UBR2: variants seen among roughly 807,000 people sequenced by gnomAD.
The protein encoded by UBR2 is ubiquitin protein ligase E3 component n-recognin 2.
UBR2 carries 92 observed loss-of-function variants against 247.9 expected under a neutral mutation model. That is an observed-to-expected ratio of 0.37 (90% CI 0.31 to 0.44). The LOEUF (loss-of-function observed/expected upper bound fraction) is 0.44. Among genes scored for constraint, UBR2 ranks in the 20% least tolerant of loss-of-function variants. UBR2 has a pLI of 1.00. For missense variants in UBR2, 1,613 were observed against 2,112.6 expected (o/e 0.76, Z 4.64); for synonymous variants, 672 against 693.5 (o/e 0.97, Z 0.49).
At position 42,658,783 on chromosome 6, in the gene UBR2, A is replaced by G. The variant is rs905884514; in HGVS notation, c.3201A>G (p.Thr1067=). 6.2e-7 allele frequency: 1 copy of G among 1,611,092 alleles called. No individual in the cohort carries two copies. Among genetic ancestry groups the G allele is most frequent in the Non-Finnish European group, 8.5e-7 (1 of 1,179,054 alleles). Residue 1067 remains threonine (T), a synonymous_variant, in exon 29 of 47, where the codon ACA becomes ACG. Transcript: ENST00000372901. The stretch of plus-strand genomic sequence containing the variant: ...AAAACAAAGAACTCTTTCAGCAGAC[A>G]TTAGAACTGGATGCCTCAACCTCTG... ...IDENKELFQQ[T]LELDASTSAV...
intron 2 of UBR2, among the ~76,000 whole-genome samples, chr6:42,576,030 C>T (rs1032468404): frequency 1.2e-4 from 18 of 151,780 alleles, no homozygotes; most frequent in African/African-American, 4.4e-4. Context: ...TTCCTTTTCC[C>T]TTCTGTTTTT....
At chr6:42,663,618 G>C (rs564493463) in intron 32 of UBR2, among the ~76,000 whole-genome samples, 199 bp downstream of exon 32, 97 of 152,270 alleles carry the variant, frequency 6.4e-4, no homozygotes, top group African/African-American at 2.2e-3. Context: ...AAATTTAACA[G>C]TTTCTAAGCT....
At chr6:42,619,019 T>A (rs1794730740) in intron 11 of UBR2, among the ~76,000 whole-genome samples, 1 of 152,288 alleles carries the variant, frequency 6.6e-6, no homozygotes, top group Non-Finnish European at 1.5e-5. Flanking sequence ...TCTGAGATGA[T>A]CCTGTGTGTA....
chr6:42,570,395 G>C (rs976257861), intron 1 of UBR2, among the ~76,000 whole-genome samples: 1 of 152,064 alleles, frequency 6.6e-6, no homozygotes, highest in Non-Finnish European at 1.5e-5. Context: ...ACCACTCCTG[G>C]CTAATTTTTG....
In UBR2 at chr6:42,591,847, T is replaced by C. The variant is rs559558743; in HGVS notation, c.339-304T>C. 3.9e-5 allele frequency among the ~76,000 whole-genome samples: 6 copies of C among 152,316 alleles called. No individual in the cohort carries two copies. In the South Asian group the frequency reaches 1.2e-3, roughly 32 times the overall value. On this transcript the variant is annotated intron_variant, in intron 2 of 46. Transcript: ENST00000372901. ...GTATATTTCATATACATCTATGTGT[T>C]TTAATGTGTAATGTGATTTCCACAA...
intron 45 of UBR2, 105 bp downstream of exon 45, chr6:42,688,491 C>T: frequency 7.6e-7 from 1 of 1,317,926 alleles, no homozygotes; most frequent in South Asian, 1.4e-5. Context: ...GACTACTGTT[C>T]CGTGTGATTC....
At chr6:42,577,187 G>T (rs1485334992) in intron 2 of UBR2, among the ~76,000 whole-genome samples, 1 of 152,188 alleles carries the variant, frequency 6.6e-6, no homozygotes, top group African/African-American at 2.4e-5. Flanking sequence ...ATTAAATATG[G>T]TTATTGGAAT....
At chr6:42,574,352 C>G (rs954438855) in intron 2 of UBR2, among the ~76,000 whole-genome samples, 14 of 152,206 alleles carry the variant, frequency 9.2e-5, no homozygotes, top group East Asian at 5.8e-4. Context: ...CCCCGTCACA[C>G]CATCTTGTCT....
At chr6:42,629,689 T>C (rs903364463) in intron 11 of UBR2, among the ~76,000 whole-genome samples, 2 of 152,106 alleles carry the variant, frequency 1.3e-5, no homozygotes, top group African/African-American at 4.8e-5. Context: ...AGGGTAAGTG[T>C]TAAGTACAAG....
chr6:42,652,298 AAGAT>A (rs1797167766), intron 24 of UBR2, among the ~76,000 whole-genome samples, 189 bp from the exon 25 acceptor site: 1 of 152,208 alleles, frequency 6.6e-6, no homozygotes, highest in African/African-American at 2.4e-5. Flanking sequence ...TCTAGGGGAA[AAGAT>A]AGACTTTCTT....
In UBR2 at chr6:42,679,779, C is replaced by G; in HGVS notation, c.4665C>G (p.Asn1555Lys). 1 of 1,613,640 alleles carries G rather than the reference C, an allele frequency of 6.2e-7. No homozygotes were observed. Among genetic ancestry groups the G allele is most frequent in the Non-Finnish European group, 8.5e-7 (1 of 1,179,866 alleles). ...GTAGCTATCTTTCCCTACCAAACAA[C>G]CTCATTTGCCTTTTTCAAGAAAATA... ...HLCSYLSLPNNLICLFQENSE... is the reference protein window; with the variant it reads ...HLCSYLSLPNKLICLFQENSE... The change falls in exon 42 of 47, where the codon AAC (asparagine) becomes AAG (lysine). Residue 1555 changes from asparagine to lysine, a missense_variant. Around this residue, in one of 3 missense-constraint regions of UBR2, gnomAD observed 1,524 missense variants for 1,967.3 expected, o/e 0.77. Transcript: ENST00000372901.
At chr6:42,657,976 T>A in intron 26 of UBR2, 48 bp from the exon 27 acceptor site, 1 of 1,387,428 alleles carries the variant, frequency 7.2e-7, no homozygotes. Context: ...GAATAAGTAC[T>A]ATGAAGTATT....
At chr6:42,673,918 A>C in intron 37 of UBR2, 31 bp downstream of exon 37, 1 of 1,561,944 alleles carries the variant, frequency 6.4e-7, no homozygotes, top group South Asian at 1.1e-5. Flanking sequence ...AACATGTTGT[A>C]ATTTTTCATC....
At chr6:42,650,985 G>T (rs1049010986) in intron 23 of UBR2, among the ~76,000 whole-genome samples, 1 of 152,046 alleles carries the variant, frequency 6.6e-6, no homozygotes, top group African/African-American at 2.4e-5. Flanking sequence ...ACTTTGGGAG[G>T]CTGAGGCGGG....
chr6:42,670,344 G>A (rs1175922499), intron 35 of UBR2, 104 bp downstream of exon 35: 24 of 1,392,778 alleles, frequency 1.7e-5, no homozygotes, highest in East Asian at 4.6e-5. Flanking sequence ...GGGTAACAAC[G>A]TGAAGAAATA....
chr6:42,571,895 A>T (rs1791171650), intron 1 of UBR2, among the ~76,000 whole-genome samples: 1 of 151,290 alleles, frequency 6.6e-6, no homozygotes, highest in Non-Finnish European at 1.5e-5. Context: ...CTTGTTGAGG[A>T]CTCTTTTTCT....
In UBR2 at chr6:42,641,660, T is replaced by G. The variant is rs1796458341; in HGVS notation, c.1999T>G (p.Trp667Gly). 3 of 1,610,078 alleles carry G rather than the reference T, an allele frequency of 1.9e-6. No homozygotes were observed. The highest frequency in any genetic ancestry group is 2.5e-6 in the Non-Finnish European group (3 of 1,178,652). The change falls in exon 17 of 47, where the codon TGG (tryptophan) becomes GGG (glycine). Residue 667 changes from tryptophan to glycine, a missense_variant. Physicochemically the swap from Trp to Gly is radical, Grantham distance 184. Coordinates refer to ENST00000372901, the MANE Select transcript of UBR2 (RefSeq NM_001363705.2). ...GTGTGCCCAAGTACATGCCGGAATG[T>G]GGAGAAGAAATGGGTTCTCTCTAGT... ...VLCAQVHAGM[W>G]RRNGFSLVNQ...
intron 9 of UBR2, 104 bp from the exon 10 acceptor site, chr6:42,615,898 A>C (rs1333548403): frequency 1.1e-6 from 1 of 874,224 alleles, no homozygotes; most frequent in Non-Finnish European, 1.7e-6. Flanking sequence ...TCTCAAAAGT[A>C]AAAACAAAAC....
chr6:42,629,355 G>T (rs548112530), intron 11 of UBR2, among the ~76,000 whole-genome samples: 1 of 151,330 alleles, frequency 6.6e-6, no homozygotes, highest in African/African-American at 2.4e-5. Context: ...TGAATTGTAG[G>T]CATAAAAATT....
Sources: gnomAD v4.1 joint callset for allele counts (sites outside exome capture counted in the v4.1 genomes callset) on GRCh38, gnomAD v4.1.1 for gene constraint, gnomAD v4.1.1 regional missense constraint, MANE v1.5 for transcripts, NCBI Gene and HGNC (gene_info 2026-07-23, HGNC 2026-07-21) for gene names.